Variants in EYS observed in about 807,000 individuals in gnomAD.
EYS encodes the protein EGF-like photoreceptor maintenance factor.
EYS carries 250 observed loss-of-function variants against 282.1 expected under a neutral mutation model. The ratio of observed to expected loss-of-function variants is 0.89; its 90% confidence interval spans 0.80 to 0.98. EYS has a LOEUF of 0.98. Among genes scored for constraint, EYS ranks in the 50% least tolerant of loss-of-function variants. EYS has a pLI of 0.00. For synonymous variants in EYS, 1,355 were observed against 1,282.9 expected (o/e 1.06, Z -1.20); for missense variants, 4,016 against 3,709.0 (o/e 1.08, Z -2.15).
chr6:64,203,629 A>G (rs1225736410), intron 31 of EYS, among the ~76,000 whole-genome samples: 2 of 152,168 alleles, frequency 1.3e-5, no homozygotes, highest in Non-Finnish European at 2.9e-5. Context: ...ATGTGTTACA[A>G]TGACAGCTAA....
intron 22 of EYS, among the ~76,000 whole-genome samples, chr6:64,781,960 T>A (rs1208534841): frequency 2.0e-5 from 3 of 152,204 alleles, no homozygotes; most frequent in African/African-American, 4.8e-5. Context: ...ATGAAATTGA[T>A]TATATCAGGA....
At chr6:63,752,605 G>A (rs1161157135) in intron 41 of EYS, among the ~76,000 whole-genome samples, 23 of 149,408 alleles carry the variant, frequency 1.5e-4, no homozygotes, top group Admixed American at 1.4e-3. Context: ...CCATTCTCCT[G>A]CCTCAGCCTC....
chr6:64,549,891 C>T (rs542915834), intron 26 of EYS, among the ~76,000 whole-genome samples: 1 of 152,128 alleles, frequency 6.6e-6, no homozygotes, highest in Non-Finnish European at 1.5e-5. Flanking sequence ...CCCTCCTCCC[C>T]CTACCCCACA....
At chr6:63,729,664 A>G (rs1582149252) in intron 41 of EYS, among the ~76,000 whole-genome samples, 1 of 152,134 alleles carries the variant, frequency 6.6e-6, no homozygotes, top group Admixed American at 6.5e-5. Context: ...ATTTTATAAA[A>G]TGGATATAGG....
intron 12 of EYS, among the ~76,000 whole-genome samples, chr6:65,097,611 G>A (rs1024096117): frequency 6.6e-6 from 1 of 150,888 alleles, no homozygotes; most frequent in Non-Finnish European, 1.5e-5. Context: ...GTCTATTGAT[G>A]ATAAAATGAT....
At chr6:65,230,667 C>T (rs1274000427) in intron 12 of EYS, among the ~76,000 whole-genome samples, 4 of 151,818 alleles carry the variant, frequency 2.6e-5, no homozygotes. Flanking sequence ...AGGGCCTCCC[C>T]TCATTTTTCA....
intron 22 of EYS, among the ~76,000 whole-genome samples, chr6:64,685,784 A>G (rs575776410): frequency 1.3e-5 from 2 of 152,194 alleles, no homozygotes; most frequent in Non-Finnish European, 2.9e-5. Flanking sequence ...ACTTCAGAAT[A>G]CACTATTTTT....
intron 37 of EYS, among the ~76,000 whole-genome samples, chr6:63,795,106 G>T (rs1582214709): frequency 6.6e-6 from 1 of 152,306 alleles, no homozygotes. Context: ...TGGCTAGAAA[G>T]AAAAGTCATA....
chr6:64,967,891 T>A (rs1271661938), intron 14 of EYS, among the ~76,000 whole-genome samples: 1 of 152,198 alleles, frequency 6.6e-6, no homozygotes, highest in Non-Finnish European at 1.5e-5. Flanking sequence ...TGTTAATTTT[T>A]TAAAATAACC....
rs139185980 is a variant in EYS, at chr6:64,633,332, T to C, written c.3444-7087A>G. Among the ~76,000 whole-genome samples, 317 of 152,304 alleles carry C rather than the reference T, an allele frequency of 2.1e-3. 1 individual carries two copies. Among genetic ancestry groups the C allele is most frequent in the Non-Finnish European group, 3.9e-3 (263 of 68,018 alleles). ...TGAAACTCAAAGTAGTTCCTTTTTA[T>C]AGATGATATTATTTCGTATCACTTT... On this transcript the variant is annotated intron_variant, in intron 22 of 42. Coordinates refer to ENST00000503581, the MANE Select transcript of EYS (RefSeq NM_001142800.2).
chr6:65,075,522 A>T (rs1417178086), intron 12 of EYS, among the ~76,000 whole-genome samples: 1 of 152,036 alleles, frequency 6.6e-6, no homozygotes, highest in Non-Finnish European at 1.5e-5. Flanking sequence ...GAAGAGCCAG[A>T]AACGTTAATA....
At chr6:64,611,577 A>C (rs539321130) in intron 24 of EYS, among the ~76,000 whole-genome samples, 1 of 152,222 alleles carries the variant, frequency 6.6e-6, no homozygotes, top group South Asian at 2.1e-4. Flanking sequence ...AACTGAAACT[A>C]ATTGATTTTT....
intron 36 of EYS, among the ~76,000 whole-genome samples, chr6:63,826,155 C>T (rs1771455145): frequency 6.6e-6 from 1 of 151,968 alleles, no homozygotes; most frequent in Non-Finnish European, 1.5e-5. Context: ...GTTCAGAGCT[C>T]AAAGACAAGG....
intron 29 of EYS, among the ~76,000 whole-genome samples, chr6:64,349,962 A>AT (rs1193232678): frequency 1.1e-4 from 16 of 151,524 alleles, no homozygotes; most frequent in East Asian, 7.8e-4. Flanking sequence ...CTATTTATTT[A>AT]TTTTTTTGCT....
At chr6:65,490,556 T>C (rs1766000674) in intron 5 of EYS, 38 bp downstream of exon 5, 2 of 1,053,714 alleles carry the variant, frequency 1.9e-6, no homozygotes, top group Non-Finnish European at 2.9e-6. Flanking sequence ...AAATTAAAGT[T>C]ACTTGTGTAT....
chr6:65,169,662 A>C (rs1416183546), intron 12 of EYS, among the ~76,000 whole-genome samples: 3 of 151,406 alleles, frequency 2.0e-5, no homozygotes, highest in South Asian at 2.1e-4. Flanking sequence ...TTAAAGGCAA[A>C]ATTTTTTTTT....
intron 2 of EYS, among the ~76,000 whole-genome samples, chr6:65,603,760 T>C (rs1379995819): frequency 1.3e-5 from 2 of 151,552 alleles, no homozygotes; most frequent in East Asian, 1.9e-4. Flanking sequence ...TTCCTTTTTT[T>C]CCCTCAGTGC....
At chr6:65,474,602 T>C (rs889570126) in intron 5 of EYS, among the ~76,000 whole-genome samples, 2 of 152,114 alleles carry the variant, frequency 1.3e-5, no homozygotes, top group Admixed American at 6.6e-5. Flanking sequence ...TTCCAACAGA[T>C]AGCATCAGCA....
intron 2 of EYS, among the ~76,000 whole-genome samples, chr6:65,544,001 A>AGT (rs751872447): frequency 0.023 from 3,293 of 145,006 alleles, 43 homozygotes; most frequent in Admixed American, 0.052. Flanking sequence ...AAAAAGAGAA[A>AGT]GTGTGTGTGT....
Sources: gnomAD v4.1 joint callset for allele counts (sites outside exome capture counted in the v4.1 genomes callset) on GRCh38, gnomAD v4.1.1 for gene constraint, MANE v1.5 for transcripts, NCBI Gene and HGNC (gene_info 2026-07-23, HGNC 2026-07-21) for gene names.